Variants in EVA1C observed in about 807,000 individuals in gnomAD.
EVA1C encodes protein eva-1 homolog C.
Under a neutral mutation model 45.4 loss-of-function variants are expected in EVA1C, and 25 were observed. The observed-to-expected ratio is 0.55, with a 90% CI of 0.40 to 0.77. The LOEUF is 0.77. Among genes scored for constraint, EVA1C ranks in the 30% least tolerant of loss-of-function variants. The pLI is 0.00. For synonymous variants in EVA1C, 190 were observed against 221.2 expected, an observed-to-expected ratio of 0.86 and a Z score of 1.25; for missense variants, 479 against 554.8, an observed-to-expected ratio of 0.86 and a Z score of 1.37.
At position 32,443,139 on chromosome 21, in the gene EVA1C, C is replaced by T. The variant is rs543014311; in HGVS notation, c.161-10173C>T. Among the ~76,000 whole-genome samples, 6 of 152,216 alleles carry T rather than the reference C, an allele frequency of 3.9e-5. No individual in the cohort carries two copies. In the South Asian group the frequency reaches 1.2e-3, roughly 32 times the overall value. The stretch of plus-strand genomic sequence containing the variant: ...ACTGGTCTCTGAGCTGTCTACCTTA[C>T]ATCAAGGTGCTCAGAGCTGAGAGGG... On this transcript the variant is annotated intron_variant, in intron 1 of 7. Transcript: ENST00000300255.
intron 2 of EVA1C, among the ~76,000 whole-genome samples, chr21:32,455,156 C>T (rs115319057): frequency 0.016 from 2,380 of 152,206 alleles, 66 homozygotes; most frequent in African/African-American, 0.055. Context: ...GTCTCTACTT[C>T]CAGGATGGCT....
chr21:32,491,359 G>A (rs971995681), intron 4 of EVA1C, among the ~76,000 whole-genome samples: 4 of 151,982 alleles, frequency 2.6e-5, no homozygotes, highest in African/African-American at 7.2e-5. Context: ...ATGGGGGGTT[G>A]GGGATCTTAA....
At chr21:32,487,613 C>T (rs1202046598) in intron 4 of EVA1C, among the ~76,000 whole-genome samples, 4 of 151,734 alleles carry the variant, frequency 2.6e-5, no homozygotes, top group African/African-American at 4.8e-5. Context: ...CCCAGCTACT[C>T]GGGAAGCTGA....
intron 6 of EVA1C, among the ~76,000 whole-genome samples, chr21:32,501,847 C>T (rs958809048): frequency 6.6e-6 from 1 of 152,142 alleles, no homozygotes; most frequent in Non-Finnish European, 1.5e-5. Flanking sequence ...TTGGAACCTG[C>T]GTAGGCGCCA....
chr21:32,496,271 T>C (rs2037350199), intron 5 of EVA1C, among the ~76,000 whole-genome samples: 1 of 152,244 alleles, frequency 6.6e-6, no homozygotes, highest in Non-Finnish European at 1.5e-5. Flanking sequence ...GCTTTGTGTC[T>C]GGCTTCCTTA....
intron 5 of EVA1C, among the ~76,000 whole-genome samples, chr21:32,499,290 G>A (rs1253880081): frequency 1.3e-5 from 2 of 152,226 alleles, no homozygotes; most frequent in Admixed American, 6.5e-5. Context: ...TCAGGGCCCA[G>A]AAATGAATGC....
intron 1 of EVA1C, among the ~76,000 whole-genome samples, chr21:32,450,898 G>A (rs970082026): frequency 3.9e-5 from 6 of 152,194 alleles, no homozygotes; most frequent in African/African-American, 1.4e-4. Context: ...TGCCACTCAT[G>A]TTAGATTTTG....
chr21:32,486,049 G>T (rs1383790647), intron 4 of EVA1C, among the ~76,000 whole-genome samples: 1 of 152,234 alleles, frequency 6.6e-6, no homozygotes, highest in Non-Finnish European at 1.5e-5. Context: ...GGCTCTGGCA[G>T]CATTGTTTGA....
At position 32,502,041 on chromosome 21, in the gene EVA1C, TTTCTTTCTTTCTTC is replaced by T. The variant is rs1350434125; in HGVS notation, c.859+549_859+562del. On this transcript the variant is annotated intron_variant, in intron 6 of 7. Transcript: ENST00000300255. ...CTTTCTTTCTTTCTTTCTTTCTTTC[TTTCTTTCTTTCTTC>T]TTTCTTTCTTTCTTCTGTCTTTCTT... 8.5e-5 allele frequency among the ~76,000 whole-genome samples: 10 copies of T among 117,588 alleles called. No individual in the cohort carries two copies. In the South Asian group the frequency reaches 1.3e-3, roughly 15 times the overall value. 77.1% of individuals were successfully genotyped at this position (117,588 alleles called of 152,430 possible). A position where few individuals can be genotyped will look rare whatever the true frequency, so the allele number is the denominator to read the frequency against.
intron 1 of EVA1C, among the ~76,000 whole-genome samples, chr21:32,416,969 G>T (rs2034073515): frequency 6.6e-6 from 1 of 152,086 alleles, no homozygotes; most frequent in Non-Finnish European, 1.5e-5. Flanking sequence ...TGTTGTTGTT[G>T]TTTTTTAATG....
intron 3 of EVA1C, among the ~76,000 whole-genome samples, chr21:32,460,373 C>T (rs1173800182): frequency 6.6e-6 from 1 of 152,210 alleles, no homozygotes; most frequent in Non-Finnish European, 1.5e-5. Context: ...TGCCACCCCT[C>T]TCTATCACAG....
chr21:32,445,062 G>A (rs568961501), intron 1 of EVA1C, among the ~76,000 whole-genome samples: 2 of 152,210 alleles, frequency 1.3e-5, no homozygotes, highest in Non-Finnish European at 2.9e-5. Flanking sequence ...ACCCACTGGG[G>A]AGACAGGTCT....
chr21:32,440,646 T>C (rs1361064158), intron 1 of EVA1C, among the ~76,000 whole-genome samples: 3 of 152,208 alleles, frequency 2.0e-5, no homozygotes, highest in African/African-American at 7.2e-5. Context: ...ATGATCTCTC[T>C]CTCTTTCCGT....
At chr21:32,429,500 C>T (rs181187061) in intron 1 of EVA1C, among the ~76,000 whole-genome samples, 14 of 151,528 alleles carry the variant, frequency 9.2e-5, no homozygotes, top group South Asian at 4.2e-4. Flanking sequence ...ATTATAGTCA[C>T]GCACCCCTAC....
At chr21:32,508,725 T>A (rs1366658549) in intron 7 of EVA1C, among the ~76,000 whole-genome samples, 1 of 152,284 alleles carries the variant, frequency 6.6e-6, no homozygotes, top group Middle Eastern at 3.4e-3. Flanking sequence ...TCAACAGCAA[T>A]AGGGCCCCAA....
chr21:32,431,414 C>T (rs1055138143), intron 1 of EVA1C, among the ~76,000 whole-genome samples: 3 of 152,214 alleles, frequency 2.0e-5, no homozygotes, highest in Non-Finnish European at 2.9e-5. Flanking sequence ...CCCAACGACA[C>T]TAAGGGCTAA....
intron 1 of EVA1C, among the ~76,000 whole-genome samples, chr21:32,450,480 G>A (rs763395704): frequency 6.9e-6 from 1 of 143,916 alleles, no homozygotes; most frequent in African/African-American, 2.6e-5. Flanking sequence ...TTTGATGTGT[G>A]GTCAGCTGCT....
At chr21:32,507,346 G>T (rs1238838124) in intron 7 of EVA1C, among the ~76,000 whole-genome samples, 1 of 152,224 alleles carries the variant, frequency 6.6e-6, no homozygotes, top group South Asian at 2.1e-4. Flanking sequence ...AAATGGAAAA[G>T]GAGTGGTGTG....
rs1004077382 is a variant in EVA1C at position 32,452,252 on chromosome 21, G to C, written c.161-1060G>C. 3 of 152,228 alleles carry C rather than the reference G, an allele frequency of 2.0e-5. No homozygotes were observed. The highest frequency in any genetic ancestry group is 7.2e-5 in the African/African-American group (3 of 41,450). 9.4% of individuals were successfully genotyped at this position (152,228 alleles called of 1,614,324 possible). On this transcript the variant is annotated intron_variant, in intron 1 of 7. Transcript: ENST00000300255. This position sits in a 1 kb window ranked among gnomAD's most constrained non-coding sequence, Gnocchi z 4.0. ...GCCAATATCTTAGTGCTTCCTGAAG[G>C]GGAAAGAGCCCTCCAAACCATTCAG... is the stretch of plus-strand genomic sequence containing the variant.
Sources: allele counts gnomAD v4.1 joint callset (sites outside exome capture counted in the v4.1 genomes callset), GRCh38; gene constraint gnomAD v4.1.1; non-coding constraint Gnocchi (gnomAD v3.1); transcripts MANE v1.5; gene names NCBI Gene and HGNC (gene_info 2026-07-23, HGNC 2026-07-21).